The following EPS8 variants were observed in gnomAD, a reference collection of about 807,000 sequenced individuals.
EPS8 encodes the protein epidermal growth factor receptor kinase substrate 8.
EPS8 carries 42 observed loss-of-function variants against 103.8 expected under a neutral mutation model. The observed-to-expected ratio is 0.40, with a 90% confidence interval of 0.32 to 0.52. The LOEUF (loss-of-function observed/expected upper bound fraction) is 0.52, where lower values mean the gene tolerates loss of function less well. Among genes scored for constraint, EPS8 ranks in the 20% least tolerant of loss-of-function variants. EPS8 has a pLI of 0.40. For missense variants in EPS8, 969 were observed against 1,005.1 expected (o/e 0.96, Z 0.49); for synonymous variants, 344 against 344.6 (o/e 1.00, Z 0.02).
intron 12 of EPS8, among the ~76,000 whole-genome samples, chr12:15,655,145 G>A (rs1445163721): frequency 1.3e-5 from 2 of 152,014 alleles, no homozygotes; most frequent in African/African-American, 4.8e-5. Context: ...AGGCCTCTGT[G>A]TATTTGTACA....
At chr12:15,705,424 T>C (rs1403364234) in intron 1 of EPS8, among the ~76,000 whole-genome samples, 1 of 152,206 alleles carries the variant, frequency 6.6e-6, no homozygotes, top group Non-Finnish European at 1.5e-5. Context: ...CTAATATGCA[T>C]ATAAGTTTGG....
intron 1 of EPS8, among the ~76,000 whole-genome samples, chr12:15,766,906 A>G (rs1056733001): frequency 6.6e-6 from 1 of 152,204 alleles, no homozygotes; most frequent in Non-Finnish European, 1.5e-5. Flanking sequence ...ATAAGTATCC[A>G]TAACTACATT....
At chr12:15,758,970 C>T (rs1947015085) in intron 1 of EPS8, among the ~76,000 whole-genome samples, 1 of 152,084 alleles carries the variant, frequency 6.6e-6, no homozygotes, top group Non-Finnish European at 1.5e-5. Flanking sequence ...CATATATGTT[C>T]ACTGTACTAT....
At position 15,778,329 on chromosome 12, in the gene EPS8, A is replaced by G. The variant is rs117880547; in HGVS notation, c.-22+10832T>C. On this transcript the variant is annotated intron_variant, in intron 1 of 20. Coordinates refer to ENST00000281172, the MANE Select transcript of EPS8 (RefSeq NM_004447.6). This position sits in a 1 kb window ranked among gnomAD's most constrained non-coding sequence, Gnocchi z 4.5. Reference sequence around the variant, plus strand: ...GCATGAGTATCATGTGAATAATGCTACAAGTATTGGACCAATGACCAGATT... The same window carrying G: ...GCATGAGTATCATGTGAATAATGCTGCAAGTATTGGACCAATGACCAGATT... 4.6e-5 allele frequency among the ~76,000 whole-genome samples: 7 copies of G among 152,332 alleles called. No homozygotes were observed. The East Asian group carries it at 1.3e-3, about 29-fold the overall frequency.
chr12:15,774,138 CGT>C (rs1314069289), intron 1 of EPS8, among the ~76,000 whole-genome samples: 2 of 151,282 alleles, frequency 1.3e-5, no homozygotes, highest in African/African-American at 2.4e-5. Context: ...TAATTTTTAG[CGT>C]GTCATCAATT....
At chr12:15,651,492 G>A (rs1452610044) in intron 13 of EPS8, among the ~76,000 whole-genome samples, 10 of 152,218 alleles carry the variant, frequency 6.6e-5, no homozygotes, top group East Asian at 1.9e-4. Flanking sequence ...TTAAGATTAC[G>A]ATTTTTAAAT....
At chr12:15,692,319 G>GTTT (rs56016545) in intron 1 of EPS8, among the ~76,000 whole-genome samples, 32 of 120,288 alleles carry the variant, frequency 2.7e-4, no homozygotes, top group African/African-American at 8.6e-4. Flanking sequence ...AAGAGGTTTG[G>GTTT]TTTTTTTTTT....
In EPS8 at chr12:15,631,536, G is replaced by C. The variant is rs1283320153; in HGVS notation, c.1950C>G (p.Val650=). 1 of 1,614,054 alleles carries C rather than the reference G, an allele frequency of 6.2e-7. No homozygotes were observed. Among genetic ancestry groups the C allele is most frequent in the South Asian group, 1.1e-5 (1 of 91,066 alleles). ...STPAPVPVSK[V]PANITRQNSS... ...TGTTTTGACGTGTTATATTTGCTGG[G>C]ACCTTTGACACAGGAACAGGTGCTG... Residue 650 remains valine, a synonymous_variant, in exon 18 of 21, where the codon GTC becomes GTG. Coordinates refer to ENST00000281172, the MANE Select transcript of EPS8 (RefSeq NM_004447.6).
At position 15,764,696 on chromosome 12, in the gene EPS8, A is replaced by G. The variant is rs967963501; in HGVS notation, c.-22+24465T>C. ...TCAGTCAATAACTATGTCTGACGTC[A>G]GCAATTCTGAGGTGCTAGATCTTAG... On this transcript the variant is annotated intron_variant, in intron 1 of 20. Coordinates refer to ENST00000281172, the MANE Select transcript of EPS8 (RefSeq NM_004447.6). This position sits in a 1 kb window ranked among gnomAD's most constrained non-coding sequence, Gnocchi z 4.1. Among the ~76,000 whole-genome samples, 4 of 152,216 alleles carry G rather than the reference A, an allele frequency of 2.6e-5. No homozygotes were observed. Among genetic ancestry groups the G allele is most frequent in the African/African-American group, 7.2e-5 (3 of 41,450 alleles).
In EPS8 at chr12:15,787,307, C is replaced by A. The variant is rs1947321378; in HGVS notation, c.-22+1854G>T. ...TAAACACAAAGTAGAGAGTAGCAAG[C>A]CTATGCCATAGCATAGAAAAGAACT... On this transcript the variant is annotated intron_variant, in intron 1 of 20. Coordinates refer to ENST00000281172, the MANE Select transcript of EPS8 (RefSeq NM_004447.6). The surrounding 1 kb of genome is among the most constrained non-coding windows in gnomAD (Gnocchi z 4.9). 1.3e-5 allele frequency among the ~76,000 whole-genome samples: 2 copies of A among 151,970 alleles called. No homozygotes were observed. The highest frequency in any genetic ancestry group is 2.4e-5 in the African/African-American group (1 of 41,360).
rs375551452 is a variant in EPS8 at position 15,624,283 on chromosome 12, G to A, written c.2169C>T (p.Tyr723=). ...TCTTCACATCCTCTGGTGTGGAGTC[G>A]TAAGTGATATTGATAACTGGCACGT... ...RQNVPVINIT[Y]DSTPEDVKTW... The change falls in exon 19 of 21, where the codon TAC becomes TAT. Residue 723 remains tyrosine, a synonymous_variant. Coordinates refer to ENST00000281172, the MANE Select transcript of EPS8 (RefSeq NM_004447.6). 7.1e-5 allele frequency: 115 copies of A among 1,613,832 alleles called. No homozygotes were observed. Among genetic ancestry groups the A allele is most frequent in the East Asian group, 6.7e-4 (30 of 44,870 alleles).
chr12:15,643,601 C>T (rs970555500), intron 15 of EPS8, among the ~76,000 whole-genome samples: 3 of 151,862 alleles, frequency 2.0e-5, no homozygotes, highest in Admixed American at 6.6e-5. Context: ...TAGCTGGGCA[C>T]GGTGGCACAT....
Position 15,679,664 on chromosome 12 carries a change from C to G in EPS8, c.136+1562G>C, listed in dbSNP as rs1047203494. The stretch of plus-strand genomic sequence containing the variant: ...TATTAAATCCTTTCTGATCAACCCT[C>G]ACCAGTGCACCTCCTACACACTACT... On this transcript the variant is annotated intron_variant, in intron 3 of 20. Coordinates refer to ENST00000281172, the MANE Select transcript of EPS8 (RefSeq NM_004447.6). Among the ~76,000 whole-genome samples, 4 of 152,188 alleles carry G rather than the reference C, an allele frequency of 2.6e-5. No homozygotes were observed. The East Asian group carries it at 7.7e-4, about 29-fold the overall frequency.
At position 15,777,104 on chromosome 12, in the gene EPS8, G is replaced by A. The variant is rs1252167721; in HGVS notation, c.-22+12057C>T. Among the ~76,000 whole-genome samples the A allele has an allele frequency of 6.6e-6, 1 of 152,106 alleles. No homozygotes were observed. Among genetic ancestry groups the A allele is most frequent in the Non-Finnish European group, 1.5e-5 (1 of 68,006 alleles). On this transcript the variant is annotated intron_variant, in intron 1 of 20. Transcript: ENST00000281172. The surrounding 1 kb of genome is among the most constrained non-coding windows in gnomAD (Gnocchi z 4.7). ...GAGATAACAGATATAGATGGAGGAA[G>A]GACATTGGAGGTAAGATGAAGTCAC...
At chr12:15,652,949 T>A (rs1385642129) in intron 13 of EPS8, among the ~76,000 whole-genome samples, 1 of 152,118 alleles carries the variant, frequency 6.6e-6, no homozygotes, top group Non-Finnish European at 1.5e-5. Context: ...AGTGGTGAAA[T>A]AAAGAAAAAG....
At chr12:15,692,096 C>T (rs764752495) in intron 1 of EPS8, among the ~76,000 whole-genome samples, 2 of 152,266 alleles carry the variant, frequency 1.3e-5, no homozygotes, top group South Asian at 2.1e-4. Flanking sequence ...ATCCCCTTCA[C>T]GTTCCCCCTG....
In EPS8 at chr12:15,759,472, A is replaced by G. The variant is rs1947019985; in HGVS notation, c.-22+29689T>C. Among the ~76,000 whole-genome samples, 1 of 152,126 alleles carries G rather than the reference A, an allele frequency of 6.6e-6. No homozygotes were observed. Among genetic ancestry groups the G allele is most frequent in the Non-Finnish European group, 1.5e-5 (1 of 67,964 alleles). On this transcript the variant is annotated intron_variant, in intron 1 of 20. Transcript: ENST00000281172. The surrounding 1 kb of genome is among the most constrained non-coding windows in gnomAD (Gnocchi z 4.9). ...GACAAATTAAACCTTTATACACTAA[A>G]AAGTCTTCAGTCTCTTAAACTTCAG... is the stretch of plus-strand genomic sequence containing the variant.
chr12:15,708,183 G>A (rs1414725868), intron 1 of EPS8, among the ~76,000 whole-genome samples: 1 of 152,174 alleles, frequency 6.6e-6, no homozygotes, highest in African/African-American at 2.4e-5. Context: ...AATCAGACTC[G>A]ATTCAAGAAT....
rs1947084036 is a variant in EPS8 at position 15,765,476 on chromosome 12, GA to G, written c.-22+23684del. ...TGAGGGCAAAAATAAATAAATACAG[GA>G]AAAAAACAATAACAGATGCACCCAG... On this transcript the variant is annotated intron_variant, in intron 1 of 20. Coordinates refer to ENST00000281172, the MANE Select transcript of EPS8 (RefSeq NM_004447.6). Among the ~76,000 whole-genome samples the G allele has an allele frequency of 4.0e-5, 6 of 151,344 alleles. 1 individual carries two copies. The East Asian group carries it at 9.7e-4, about 24-fold the overall frequency.
Sources: gnomAD v4.1 joint callset for allele counts (sites outside exome capture counted in the v4.1 genomes callset) on GRCh38, gnomAD v4.1.1 for gene constraint, Gnocchi (gnomAD v3.1) non-coding constraint, MANE v1.5 for transcripts, NCBI Gene and HGNC (gene_info 2026-07-23, HGNC 2026-07-21) for gene names.